The following COX15 variants were observed in gnomAD, a reference collection of about 807,000 sequenced individuals.
COX15 encodes cytochrome c oxidase assembly factor COX15, also known as heme A synthase COX15.
A neutral mutation model predicts 51.9 loss-of-function variants in COX15; 51 were observed. The ratio of observed to expected loss-of-function variants is 0.98; its 90% CI spans 0.78 to 1.24. The LOEUF is 1.24. COX15 is among the 50% of genes most tolerant of loss of function. COX15 has a pLI of 0.00. For missense variants in COX15, 420 were observed against 501.1 expected (o/e 0.84, Z 1.55); for synonymous variants, 188 against 190.5 (o/e 0.99, Z 0.11).
chr10:99,707,709 G>A (rs1448494755), downstream of COX15, among the ~76,000 whole-genome samples: 2 of 152,174 alleles, frequency 1.3e-5, no homozygotes, highest in Non-Finnish European at 2.9e-5. Context: ...TTGTAGTGAT[G>A]CTTTTTAGTC....
At position 99,718,369 on chromosome 10, in the gene COX15, C is replaced by T; in HGVS notation, c.964G>A (p.Val322Met). Residue 322 changes from valine (V) to methionine (M), a missense_variant, in exon 7 of 9, where the codon GTG becomes ATG. Transcript: ENST00000016171. ...LRNVFENPTM[V>M]QFDHRILGIT... The stretch of plus-strand genomic sequence containing the variant: ...ACCAGAATCCGGTGATCAAACTGCA[C>T]CATGGTGGGATTCTCAAAAACATTC... 6.2e-7 allele frequency: 1 copy of T among 1,614,084 alleles called. No homozygotes were observed. The highest frequency in any genetic ancestry group is 1.1e-5 in the South Asian group (1 of 91,084).
At chr10:99,716,166 A>AT (rs745415716) in intron 8 of COX15, among the ~76,000 whole-genome samples, 182 bp downstream of exon 8, 4 of 150,906 alleles carry the variant, frequency 2.7e-5, no homozygotes, top group Admixed American at 6.6e-5. Flanking sequence ...TAATTTTTGT[A>AT]TTTTTTTTGT....
At chr10:99,706,144 A>G (rs1329493241), downstream of COX15, 1 of 152,224 alleles carries the variant, frequency 6.6e-6, no homozygotes, top group Non-Finnish European at 1.5e-5. Context: ...TTCTTCAAAA[A>G]TAAATTTCAT....
Position 99,718,403 on chromosome 10 carries a change from G to T in COX15, c.930C>A (p.Pro310=). ...GATTCTCAAAAACATTCCTCAGGAT[G>T]GGGGAGAAGGTAAAGAGGTCCTCCG... ...WIPEDLFTFS[P]ILRNVFENPT... The change falls in exon 7 of 9, where the codon CCC becomes CCA. Residue 310 remains proline (P), a synonymous_variant. Transcript: ENST00000016171. 1 of 1,614,052 alleles carries T rather than the reference G, an allele frequency of 6.2e-7. No individual in the cohort carries two copies. The highest frequency in any genetic ancestry group is 8.5e-7 in the Non-Finnish European group (1 of 1,179,982).
intron 5 of COX15, 59 bp downstream of exon 5, chr10:99,723,897 T>C: frequency 1.3e-6 from 2 of 1,571,332 alleles, no homozygotes; most frequent in Non-Finnish European, 1.8e-6. Flanking sequence ...CTTCTAGATA[T>C]ATATCCAAAA....
chr10:99,708,085 A>G (rs1466688689), downstream of COX15, among the ~76,000 whole-genome samples: 2 of 152,126 alleles, frequency 1.3e-5, no homozygotes, highest in Admixed American at 6.6e-5. Context: ...CACAGTGTCT[A>G]TTCTGGTCTG....
chr10:99,718,142 C>CTGGGGT (rs1564645894), intron 7 of COX15, among the ~76,000 whole-genome samples: 2 of 132,132 alleles, frequency 1.5e-5, no homozygotes, highest in Admixed American at 1.7e-4. Flanking sequence ...TAGAATTTGG[C>CTGGGGT]TGGGGTTGGG....
intron 6 of COX15, among the ~76,000 whole-genome samples, chr10:99,719,933 A>G (rs2036705967): frequency 6.6e-6 from 1 of 152,224 alleles, no homozygotes; most frequent in Non-Finnish European, 1.5e-5. Flanking sequence ...TTTCTGTGAG[A>G]GTGGAAGTAT....
downstream of COX15, chr10:99,708,876 A>T: frequency 1.0e-6 from 1 of 985,420 alleles, no homozygotes; most frequent in Non-Finnish European, 1.2e-6. Flanking sequence ...ATCTTTCTGC[A>T]AGTATAAACA....
At chr10:99,705,256 G>A in the COX15 span, 1 of 157,982 alleles carries the variant, frequency 6.3e-6, no homozygotes, top group Non-Finnish European at 1.4e-5. Context: ...AGCCATCATG[G>A]GTGTGATCCA....
chr10:99,730,010 T>A (rs1335766912), intron 1 of COX15, among the ~76,000 whole-genome samples: 1 of 152,192 alleles, frequency 6.6e-6, no homozygotes, highest in African/African-American at 2.4e-5. Flanking sequence ...TATGGAATAT[T>A]TTCTTTCACC....
At chr10:99,704,493 G>T in the COX15 span, 1 of 1,614,228 alleles carries the variant, frequency 6.2e-7, no homozygotes, top group Non-Finnish European at 8.5e-7. Context: ...CATGGTAGCT[G>T]GTTCCGTCTC....
chr10:99,704,339 G>A, the COX15 span: 2 of 1,045,834 alleles, frequency 1.9e-6, no homozygotes, highest in Non-Finnish European at 2.8e-6. Flanking sequence ...GTCATAAAAT[G>A]TTTATGTGGA....
In COX15 at chr10:99,714,563, C is replaced by T. The variant is rs1031629521; in HGVS notation, c.*24G>A. The T allele has an allele frequency of 1.2e-6, 2 of 1,613,836 alleles. No individual in the cohort carries two copies. The highest frequency in any genetic ancestry group is 1.7e-6 in the Non-Finnish European group (2 of 1,179,906). Reference sequence around the variant, plus strand: ...AAGAGCTCTCAAAAGCAGTCACAGTCCCAGGAGGCTGGTCCTCTAAGAATC... The same window carrying T: ...AAGAGCTCTCAAAAGCAGTCACAGTTCCAGGAGGCTGGTCCTCTAAGAATC... On this transcript the variant is annotated 3_prime_UTR_variant, in exon 9 of 9. Coordinates refer to ENST00000016171, the MANE Select transcript of COX15 (RefSeq NM_078470.6).
rs745707189 is a variant in COX15 at position 99,729,748 on chromosome 10, T to C, written c.91-14A>G. ...GATGCAATCACACTAAAGATCAAGA[T>C]AGACAAATTACAACTGGAGAAACAG... On this transcript the variant is annotated splice_polypyrimidine_tract_variant and intron_variant, in intron 1 of 8. Transcript: ENST00000016171. The C allele has an allele frequency of 2.8e-5, 45 of 1,613,602 alleles. 1 individual carries two copies. In the South Asian group the frequency reaches 4.5e-4, roughly 16 times the overall value.
At position 99,710,951 on chromosome 10, in the gene COX15, G is replaced by A. The variant is rs1383520150; in HGVS notation, c.*3636C>T. ...AGAGAGACCTTTGAAAATATTAAGGGAAATCTATTTAATCCTATAGGTATG... is the reference window on the plus strand; with the variant it reads ...AGAGAGACCTTTGAAAATATTAAGGAAAATCTATTTAATCCTATAGGTATG... On this transcript the variant is annotated 3_prime_UTR_variant, in exon 9 of 9. Transcript: ENST00000016171. 1 of 985,160 alleles carries A rather than the reference G, an allele frequency of 1.0e-6. No homozygotes were observed. The highest frequency in any genetic ancestry group is 1.7e-5 in the African/African-American group (1 of 57,206). 61.0% of individuals were successfully genotyped at this position (985,160 alleles called of 1,614,324 possible). A position where few individuals can be genotyped will look rare whatever the true frequency, so the allele number is the denominator to read the frequency against.
At chr10:99,699,773 C>T in the COX15 span, among the ~76,000 whole-genome samples, 1 of 152,086 alleles carries the variant, frequency 6.6e-6, no homozygotes, top group Non-Finnish European at 1.5e-5. Flanking sequence ...GCCATGTTGG[C>T]CAGGCTGGTT....
intron 4 of COX15, 130 bp from the exon 5 acceptor site, chr10:99,724,253 G>C: frequency 9.8e-7 from 1 of 1,017,612 alleles, no homozygotes; most frequent in Non-Finnish European, 1.5e-6. Context: ...CGGGATCTTG[G>C]CTCACTGCAA....
Position 99,711,330 on chromosome 10 carries a change from C to T in COX15, c.*3257G>A, listed in dbSNP as rs570670083. On this transcript the variant is annotated 3_prime_UTR_variant, in exon 9 of 9. Coordinates refer to ENST00000016171, the MANE Select transcript of COX15 (RefSeq NM_078470.6). ...GTTGGGTCATACTGCCCTCTGCTGA[C>T]TCAGTTACTAACTAAGGACAACCTG... is the stretch of plus-strand genomic sequence containing the variant. The T allele has an allele frequency of 1.9e-5, 19 of 985,410 alleles. No individual in the cohort carries two copies. The South Asian group carries it at 7.5e-4, about 39-fold the overall frequency. 61.0% of individuals were successfully genotyped at this position (985,410 alleles called of 1,614,324 possible).
Sources: gnomAD v4.1 joint callset for allele counts (sites outside exome capture counted in the v4.1 genomes callset) on GRCh38, gnomAD v4.1.1 for gene constraint, MANE v1.5 for transcripts, NCBI Gene and HGNC (gene_info 2026-07-23, HGNC 2026-07-21) for gene names.